The following ROBO2 variants were observed in gnomAD, a reference collection of about 807,000 sequenced individuals.
ROBO2 encodes the protein roundabout homolog 2.
ROBO2 carries 53 observed loss-of-function variants against 160.8 expected under a neutral mutation model. The ratio of observed to expected loss-of-function variants is 0.33; its 90% CI spans 0.26 to 0.41. The LOEUF (loss-of-function observed/expected upper bound fraction) is 0.41. Among genes scored for constraint, ROBO2 ranks in the 10% least tolerant of loss-of-function variants. The pLI is 1.00. For missense variants in ROBO2, 1,577 were observed against 1,722.4 expected (o/e 0.92, Z 1.49); for synonymous variants, 664 against 611.7 (o/e 1.09, Z -1.26).
intron 2 of ROBO2, among the ~76,000 whole-genome samples, chr3:76,859,343 A>G (rs1045479932): frequency 6.6e-6 from 1 of 152,208 alleles, no homozygotes; most frequent in Non-Finnish European, 1.5e-5. Context: ...CTGAAATTTT[A>G]GACACATGTA....
intron 2 of ROBO2, among the ~76,000 whole-genome samples, chr3:76,978,017 G>T (rs2059896247): frequency 6.6e-6 from 1 of 152,138 alleles, no homozygotes; most frequent in South Asian, 2.1e-4. Flanking sequence ...CAAAGCTCAA[G>T]ATTCCAAACT....
intron 2 of ROBO2, among the ~76,000 whole-genome samples, chr3:76,095,626 C>T (rs2069409419): frequency 1.3e-5 from 2 of 151,928 alleles, no homozygotes; most frequent in Non-Finnish European, 2.9e-5. Flanking sequence ...CACTGAATAT[C>T]TAAAATTTAT....
At chr3:76,736,609 G>T (rs72890281) in intron 2 of ROBO2, among the ~76,000 whole-genome samples, 2,753 of 152,296 alleles carry the variant, frequency 0.018, 69 homozygotes, top group African/African-American at 0.058. Context: ...AAGAGGATCT[G>T]CAGTAAGTAA....
At chr3:76,928,712 C>T (rs971779900) in intron 2 of ROBO2, among the ~76,000 whole-genome samples, 2 of 152,176 alleles carry the variant, frequency 1.3e-5, no homozygotes, top group Non-Finnish European at 2.9e-5. Context: ...TTTTCTTCCT[C>T]TCTATCAACC....
intron 2 of ROBO2, among the ~76,000 whole-genome samples, chr3:76,790,052 G>A (rs890953005): frequency 3.3e-5 from 5 of 151,456 alleles, no homozygotes; most frequent in Admixed American, 1.3e-4. Flanking sequence ...TTTTATTTTG[G>A]CAAGTAGTTG....
intron 2 of ROBO2, among the ~76,000 whole-genome samples, chr3:76,202,138 G>A (rs1702566249): frequency 6.6e-6 from 1 of 152,080 alleles, no homozygotes; most frequent in South Asian, 2.1e-4. Context: ...TTACATTTTG[G>A]ACATCTTCAC....
chr3:76,092,784 C>G (rs2069286084), intron 2 of ROBO2, among the ~76,000 whole-genome samples: 1 of 152,102 alleles, frequency 6.6e-6, no homozygotes, highest in Admixed American at 6.6e-5. Context: ...TTCTAAGGAC[C>G]TGATATGAAG....
chr3:76,484,198 G>T (rs2079365944), intron 2 of ROBO2, among the ~76,000 whole-genome samples: 1 of 151,998 alleles, frequency 6.6e-6, no homozygotes, highest in African/African-American at 2.4e-5. Context: ...ATAAAAGTTT[G>T]CAAAAACAGG....
At chr3:77,289,384 C>T (rs148002782) in intron 2 of ROBO2, among the ~76,000 whole-genome samples, 6 of 151,304 alleles carry the variant, frequency 4.0e-5, no homozygotes, top group African/African-American at 1.5e-4. Context: ...TCACCCCAGA[C>T]ATAAAGTAAA....
At chr3:76,714,286 A>G (rs992493655) in intron 2 of ROBO2, among the ~76,000 whole-genome samples, 1 of 152,126 alleles carries the variant, frequency 6.6e-6, no homozygotes, top group African/African-American at 2.4e-5. Context: ...AGGGAATGAG[A>G]TGAGGTCTTT....
chr3:76,322,682 T>G (rs984302597), intron 2 of ROBO2, among the ~76,000 whole-genome samples: 1 of 152,222 alleles, frequency 6.6e-6, no homozygotes, highest in African/African-American at 2.4e-5. Flanking sequence ...TCAGTTTTTC[T>G]TGTAACTTTA....
intron 2 of ROBO2, among the ~76,000 whole-genome samples, chr3:76,015,950 T>C (rs1559835417): frequency 6.6e-6 from 1 of 152,196 alleles, no homozygotes; most frequent in Non-Finnish European, 1.5e-5. Flanking sequence ...CATAGTCTTA[T>C]ATTTTCCTCT....
chr3:75,999,155 T>C (rs1412394032), intron 2 of ROBO2, among the ~76,000 whole-genome samples: 2 of 152,168 alleles, frequency 1.3e-5, no homozygotes, highest in Non-Finnish European at 2.9e-5. Context: ...CTGATTGTTT[T>C]AAAGACAAAA....
In ROBO2 at chr3:76,969,159, T is replaced by C. The variant is rs1417858923; in HGVS notation, c.110-128855T>C. 2.0e-5 allele frequency among the ~76,000 whole-genome samples: 3 copies of C among 152,212 alleles called. No homozygotes were observed. In the East Asian group the frequency reaches 5.8e-4, roughly 29 times the overall value. ...TTGACAACAAGTGAAAGTGGCAGAA[T>C]TCAATAAAGTGGCAGAAAATTTCAC... On this transcript the variant is annotated intron_variant, in intron 2 of 26. Transcript: ENST00000487694.
rs371159080 is a variant in ROBO2, at chr3:77,153,443, G to GT, written c.388+55104dup. On this transcript the variant is annotated intron_variant, in intron 2 of 25. Transcript: ENST00000461745. Reference sequence around the variant, plus strand: ...TATTTTGCAGTCAAGATCATTCTTTGTAATTACCATTGTGACAGTACTACA... The same window carrying GT: ...TATTTTGCAGTCAAGATCATTCTTTGTTAATTACCATTGTGACAGTACTACA... Among the ~76,000 whole-genome samples the GT allele has an allele frequency of 3.3e-3, 503 of 152,048 alleles. 1 individual carries two copies. The highest frequency in any genetic ancestry group is 0.011 in the African/African-American group (475 of 41,474).
rs568971110 is a variant in ROBO2, at chr3:76,451,229, C to G, written c.109+513627C>G. Among the ~76,000 whole-genome samples the G allele has an allele frequency of 2.6e-5, 4 of 152,284 alleles. No homozygotes were observed. The South Asian group carries it at 8.3e-4, about 32-fold the overall frequency. Reference sequence around the variant, plus strand: ...CAAGACAAGATGAGAATGAGGTCTCCTTGTCCCCATAAGTGATAACTGAAT... The same window carrying G: ...CAAGACAAGATGAGAATGAGGTCTCGTTGTCCCCATAAGTGATAACTGAAT... On this transcript the variant is annotated intron_variant, in intron 2 of 26. Transcript: ENST00000487694.
At chr3:76,095,851 A>G (rs1401775771) in intron 2 of ROBO2, among the ~76,000 whole-genome samples, 2 of 152,124 alleles carry the variant, frequency 1.3e-5, no homozygotes, top group Non-Finnish European at 2.9e-5. Flanking sequence ...AATTAGAAAT[A>G]GAAATTGCAA....
chr3:76,599,941 T>G (rs2087010800), intron 2 of ROBO2, among the ~76,000 whole-genome samples: 1 of 152,222 alleles, frequency 6.6e-6, no homozygotes, highest in Non-Finnish European at 1.5e-5. Context: ...TGCTAAATAT[T>G]AGACCTTTGT....
At chr3:76,150,604 C>T (rs2072159277) in intron 2 of ROBO2, among the ~76,000 whole-genome samples, 2 of 152,182 alleles carry the variant, frequency 1.3e-5, no homozygotes, top group African/African-American at 2.4e-5. Flanking sequence ...CTGTCTGAAA[C>T]ACACATCCCT....
Sources: gnomAD v4.1 joint callset for allele counts (sites outside exome capture counted in the v4.1 genomes callset) on GRCh38, gnomAD v4.1.1 for gene constraint, MANE v1.5 for transcripts, NCBI Gene and HGNC (gene_info 2026-07-23, HGNC 2026-07-21) for gene names.